Variants in GRID2 observed in about 807,000 individuals in gnomAD.
GRID2 encodes glutamate receptor ionotropic, delta-2.
Under a neutral mutation model 114.8 loss-of-function variants are expected in GRID2, and 33 were observed. The ratio of observed to expected loss-of-function variants is 0.29; its 90% CI spans 0.22 to 0.38. The LOEUF (loss-of-function observed/expected upper bound fraction) is 0.38, where lower values mean the gene tolerates loss of function less well. Ranked by LOEUF, GRID2 falls within the 10% of genes least tolerant of loss-of-function variation. GRID2 has a pLI of 1.00. For missense variants in GRID2, 1,184 were observed against 1,257.7 expected (o/e 0.94, Z 0.89); for synonymous variants, 505 against 449.9 (o/e 1.12, Z -1.55).
intron 2 of GRID2, among the ~76,000 whole-genome samples, chr4:92,990,249 T>A (rs868467842): frequency 0.016 from 1,870 of 114,604 alleles, 29 homozygotes; most frequent in East Asian, 0.046. Context: ...TGTGTGTGTG[T>A]GATATATGTA....
chr4:92,523,817 C>T (rs954611480), intron 1 of GRID2, among the ~76,000 whole-genome samples: 1 of 151,994 alleles, frequency 6.6e-6, no homozygotes, highest in East Asian at 2.0e-4. Flanking sequence ...AGGGCCTACA[C>T]TTCCAAGAGG....
chr4:92,579,994 C>CAT (rs35739906), intron 1 of GRID2, among the ~76,000 whole-genome samples: 39,199 of 146,588 alleles, frequency 0.27, 5,365 homozygotes, highest in Middle Eastern at 0.37. Flanking sequence ...ATGTATTTTA[C>CAT]ATATATATTT....
intron 13 of GRID2, among the ~76,000 whole-genome samples, chr4:93,615,409 T>G (rs1260408277): frequency 1.3e-5 from 2 of 152,176 alleles, no homozygotes; most frequent in African/African-American, 4.8e-5. Context: ...GTGAAATTGG[T>G]GCTAGATTCT....
intron 3 of GRID2, among the ~76,000 whole-genome samples, chr4:93,108,625 T>G (rs1005035034): frequency 7.2e-5 from 5 of 69,068 alleles, no homozygotes; most frequent in Non-Finnish European, 1.8e-4. Flanking sequence ...CTGACATGTA[T>G]TTTTTTTTTC....
rs76917358 is a variant in GRID2, at chr4:93,352,112, T to C, written c.1246-43495T>C. On this transcript the variant is annotated intron_variant, in intron 8 of 15. Transcript: ENST00000282020. ...ACAAGTAGCAAGATTAGAGAGCACT[T>C]AATTCCTGACTTTGAAGCTTGCAGT... Among the ~76,000 whole-genome samples, 433 of 152,176 alleles carry C rather than the reference T, an allele frequency of 2.8e-3. 1 individual carries two copies. The highest frequency in any genetic ancestry group is 0.01 in the African/African-American group (417 of 41,556).
At chr4:93,477,691 A>T (rs1253363177) in intron 11 of GRID2, among the ~76,000 whole-genome samples, 1 of 152,178 alleles carries the variant, frequency 6.6e-6, no homozygotes. Context: ...GACCCAATAA[A>T]GTTCTTGTAT....
chr4:93,551,934 G>A (rs906029630), intron 13 of GRID2, among the ~76,000 whole-genome samples: 1 of 152,058 alleles, frequency 6.6e-6, no homozygotes, highest in Non-Finnish European at 1.5e-5. Context: ...CAACGTGCAG[G>A]TTTGTTACAT....
intron 14 of GRID2, among the ~76,000 whole-genome samples, chr4:93,677,148 T>G (rs1001755634): frequency 6.6e-6 from 1 of 151,908 alleles, no homozygotes; most frequent in African/African-American, 2.4e-5. Context: ...GCTCGGAGGG[T>G]CCTATGCCCA....
intron 2 of GRID2, among the ~76,000 whole-genome samples, chr4:92,663,389 C>G (rs1196966908): frequency 1.3e-5 from 2 of 151,036 alleles, no homozygotes; most frequent in Admixed American, 1.3e-4. Flanking sequence ...GTTTTAAAAG[C>G]TTAATATACT....
chr4:92,768,714 C>T (rs866107508), intron 2 of GRID2, among the ~76,000 whole-genome samples: 43 of 152,118 alleles, frequency 2.8e-4, no homozygotes, highest in African/African-American at 9.9e-4. Context: ...AGAATGGTGG[C>T]AGGCAAAGAG....
chr4:93,123,262 T>C (rs1396840153), intron 4 of GRID2, among the ~76,000 whole-genome samples: 3 of 152,136 alleles, frequency 2.0e-5, no homozygotes, highest in Non-Finnish European at 4.4e-5. Flanking sequence ...ACTAAGTTCT[T>C]AAATAAGTCA....
At chr4:92,584,221 C>T (rs1291057271) in intron 1 of GRID2, among the ~76,000 whole-genome samples, 1 of 151,842 alleles carries the variant, frequency 6.6e-6, no homozygotes, top group Non-Finnish European at 1.5e-5. Flanking sequence ...ATTTATAATG[C>T]CTTTTATTAT....
At chr4:93,306,931 C>T (rs1755487355) in intron 8 of GRID2, among the ~76,000 whole-genome samples, 1 of 152,042 alleles carries the variant, frequency 6.6e-6, no homozygotes, top group East Asian at 1.9e-4. Context: ...GGCGCGGTGG[C>T]TCACGCCTGT....
chr4:92,792,824 T>C (rs921477161), intron 2 of GRID2, among the ~76,000 whole-genome samples: 11 of 151,692 alleles, frequency 7.3e-5, no homozygotes, highest in Admixed American at 2.6e-4. Context: ...ATAATGCCAG[T>C]CTACGATCTG....
intron 7 of GRID2, among the ~76,000 whole-genome samples, chr4:93,233,891 A>C (rs751253201): frequency 3.3e-5 from 5 of 152,188 alleles, no homozygotes; most frequent in Non-Finnish European, 7.3e-5. Flanking sequence ...TGAGGAAGAC[A>C]AAGATTAAAA....
chr4:93,375,817 T>C (rs1763323235), intron 8 of GRID2, among the ~76,000 whole-genome samples: 1 of 152,164 alleles, frequency 6.6e-6, no homozygotes, highest in Non-Finnish European at 1.5e-5. Context: ...ATGGTAAAAG[T>C]AAAACATGAA....
chr4:93,582,433 T>C (rs1384161254), intron 13 of GRID2, among the ~76,000 whole-genome samples: 1 of 152,114 alleles, frequency 6.6e-6, no homozygotes, highest in Non-Finnish European at 1.5e-5. Context: ...TATGGACAGA[T>C]TTTAGGGATT....
chr4:92,454,314 A>G (rs1721098151), intron 1 of GRID2, among the ~76,000 whole-genome samples: 1 of 152,190 alleles, frequency 6.6e-6, no homozygotes, highest in Non-Finnish European at 1.5e-5. Context: ...GTACTTAACT[A>G]TATGAAAATG....
intron 13 of GRID2, among the ~76,000 whole-genome samples, chr4:93,599,953 A>G (rs1044389811): frequency 1.3e-5 from 2 of 152,222 alleles, no homozygotes; most frequent in Admixed American, 6.5e-5. Context: ...TACTGCCCTT[A>G]AATTCTTGGA....
Sources: gnomAD v4.1 joint callset for allele counts (sites outside exome capture counted in the v4.1 genomes callset) on GRCh38, gnomAD v4.1.1 for gene constraint, MANE v1.5 for transcripts, NCBI Gene and HGNC (gene_info 2026-07-23, HGNC 2026-07-21) for gene names.